The following RAD51B variants were observed in gnomAD, a reference collection of about 807,000 sequenced individuals.
RAD51B encodes the protein RAD51 paralog B, also known as DNA repair protein RAD51 homolog 2.
Under a neutral mutation model 42.2 loss-of-function variants are expected in RAD51B, and 38 were observed. The ratio of observed to expected loss-of-function variants is 0.90; its 90% CI spans 0.70 to 1.18. The LOEUF (loss-of-function observed/expected upper bound fraction) is 1.18, where lower values mean the gene tolerates loss of function less well. RAD51B is among the 50% of genes most tolerant of loss of function. RAD51B has a pLI of 0.00. For missense variants in RAD51B, 373 were observed against 400.7 expected (o/e 0.93, Z 0.59); for synonymous variants, 154 against 145.2 (o/e 1.06, Z -0.43).
At chr14:67,855,271 C>T (rs1003106748) in intron 4 of RAD51B, among the ~76,000 whole-genome samples, 4 of 151,860 alleles carry the variant, frequency 2.6e-5, no homozygotes, top group African/African-American at 9.7e-5. Context: ...TGCTCTGTTG[C>T]ACAGGCTGGA....
chr14:68,153,170 A>G (rs1425578066), intron 7 of RAD51B, among the ~76,000 whole-genome samples: 1 of 152,208 alleles, frequency 6.6e-6, no homozygotes, highest in African/African-American at 2.4e-5. Flanking sequence ...CACTTTACGT[A>G]TAGTATAAGA....
chr14:68,009,952 CATTT>C (rs1186773091), intron 7 of RAD51B, among the ~76,000 whole-genome samples: 2 of 151,826 alleles, frequency 1.3e-5, no homozygotes, highest in Admixed American at 6.6e-5. Context: ...TCAACCTATT[CATTT>C]GTTTCTATGC....
intron 10 of RAD51B, among the ~76,000 whole-genome samples, chr14:68,496,492 A>G (rs917182062): frequency 3.9e-5 from 6 of 152,176 alleles, no homozygotes; most frequent in African/African-American, 1.4e-4. Context: ...CCCACCTCTG[A>G]CAGGGCCCAG....
intron 7 of RAD51B, among the ~76,000 whole-genome samples, chr14:67,917,076 G>A (rs2044175247): frequency 6.6e-6 from 1 of 152,208 alleles, no homozygotes; most frequent in Admixed American, 6.5e-5. Flanking sequence ...GTTTTAAAAG[G>A]CTTGCTCTGG....
intron 10 of RAD51B, among the ~76,000 whole-genome samples, chr14:68,544,577 C>T (rs17828913): frequency 0.076 from 11,536 of 152,224 alleles, 541 homozygotes; most frequent in Middle Eastern, 0.24. Flanking sequence ...CAAGAAAAAT[C>T]TGAAATGGCC....
chr14:67,962,404 G>A (rs2074688556), intron 7 of RAD51B, among the ~76,000 whole-genome samples: 1 of 152,192 alleles, frequency 6.6e-6, no homozygotes, highest in Non-Finnish European at 1.5e-5. Flanking sequence ...TATCCTGATT[G>A]TTGCCAAACA....
intron 7 of RAD51B, among the ~76,000 whole-genome samples, chr14:67,905,507 T>A (rs2043754425): frequency 6.6e-6 from 1 of 152,150 alleles, no homozygotes; most frequent in Non-Finnish European, 1.5e-5. Context: ...TTGGGCAGTA[T>A]AGCCATTTTA....
intron 7 of RAD51B, among the ~76,000 whole-genome samples, chr14:68,206,813 G>T (rs1222225310): frequency 7.2e-6 from 1 of 139,496 alleles, no homozygotes. Flanking sequence ...TTTTTGAGAC[G>T]GAGTCTCACT....
chr14:68,049,003 T>A (rs1433492816), intron 7 of RAD51B, among the ~76,000 whole-genome samples: 1 of 152,126 alleles, frequency 6.6e-6, no homozygotes, highest in Non-Finnish European at 1.5e-5. Context: ...TGTGGCACAT[T>A]TACATCATGG....
intron 9 of RAD51B, among the ~76,000 whole-genome samples, chr14:68,439,263 C>T (rs982750016): frequency 1.3e-5 from 2 of 152,006 alleles, no homozygotes; most frequent in Non-Finnish European, 2.9e-5. Context: ...TCCACGATCC[C>T]TTTGCTGTCC....
chr14:68,651,598 A>G (rs753752780), intron 11 of RAD51B, among the ~76,000 whole-genome samples: 36 of 152,186 alleles, frequency 2.4e-4, no homozygotes, highest in Non-Finnish European at 4.4e-4. Flanking sequence ...TTCTTAAAGG[A>G]CATCAGGGAA....
intron 8 of RAD51B, among the ~76,000 whole-genome samples, chr14:68,341,202 T>C (rs2082564681): frequency 6.6e-6 from 1 of 152,218 alleles, no homozygotes; most frequent in Non-Finnish European, 1.5e-5. Context: ...AAATGCATGA[T>C]GAATAAAATA....
intron 7 of RAD51B, among the ~76,000 whole-genome samples, chr14:67,985,311 G>T (rs768170482): frequency 2.6e-5 from 4 of 152,132 alleles, no homozygotes; most frequent in Non-Finnish European, 4.4e-5. Flanking sequence ...ATGTAGTTTA[G>T]TATGTGTCCC....
intron 7 of RAD51B, among the ~76,000 whole-genome samples, chr14:67,949,978 A>G (rs1073025): frequency 0.071 from 10,804 of 152,248 alleles, 948 homozygotes; most frequent in African/African-American, 0.21. Flanking sequence ...TGCTATAAAC[A>G]GATGTCCTGT....
chr14:67,995,245 G>A (rs764053595), intron 7 of RAD51B, among the ~76,000 whole-genome samples: 8 of 151,940 alleles, frequency 5.3e-5, no homozygotes, highest in Non-Finnish European at 1.2e-4. Flanking sequence ...AATTAGCTGG[G>A]CGTGGTTGGC....
chr14:68,631,443 G>C (rs1892224938), intron 10 of RAD51B, among the ~76,000 whole-genome samples: 1 of 152,116 alleles, frequency 6.6e-6, no homozygotes, highest in Admixed American at 6.5e-5. Flanking sequence ...ATGGGAGGAG[G>C]GAGTGGCCTG....
At chr14:68,586,994 A>G (rs1474384248) in intron 10 of RAD51B, among the ~76,000 whole-genome samples, 1 of 150,830 alleles carries the variant, frequency 6.6e-6, no homozygotes, top group Non-Finnish European at 1.5e-5. Flanking sequence ...GCGCCATTGT[A>G]CTCCAGCCAA....
At chr14:68,613,130 T>TGGAG (rs1891734689), downstream of RAD51B, among the ~76,000 whole-genome samples, 1 of 152,178 alleles carries the variant, frequency 6.6e-6, no homozygotes, top group Admixed American at 6.5e-5. Flanking sequence ...AGATTGTTAG[T>TGGAG]GGAGGCCAGG....
chr14:68,186,545 A>G (rs1595525512), intron 7 of RAD51B, among the ~76,000 whole-genome samples: 2 of 152,182 alleles, frequency 1.3e-5, no homozygotes, highest in East Asian at 1.9e-4. Context: ...CTATTAAAAG[A>G]TGGGCAAAAG....
Sources: allele counts gnomAD v4.1 joint callset (sites outside exome capture counted in the v4.1 genomes callset), GRCh38; gene constraint gnomAD v4.1.1; transcripts MANE v1.5; gene names NCBI Gene and HGNC (gene_info 2026-07-23, HGNC 2026-07-21).